Variants in ANP32B observed in about 807,000 individuals in gnomAD.
ANP32B encodes the protein acidic nuclear phosphoprotein 32 family member B, also known as acidic leucine-rich nuclear phosphoprotein 32 family member B.
A neutral mutation model predicts 32.2 loss-of-function variants in ANP32B; 6 were observed. That is an observed-to-expected ratio of 0.19 (90% CI 0.10 to 0.37). ANP32B has a LOEUF of 0.37. Among genes scored for constraint, ANP32B ranks in the 10% least tolerant of loss-of-function variants. The pLI is 1.00. For missense variants in ANP32B, 204 were observed against 289.2 expected, an observed-to-expected ratio of 0.71 and a Z score of 2.14; for synonymous variants, 98 against 105.8, an observed-to-expected ratio of 0.93 and a Z score of 0.45.
chr9:97,990,047 C>T (rs1291428163), intron 1 of ANP32B, among the ~76,000 whole-genome samples: 1 of 152,174 alleles, frequency 6.6e-6, no homozygotes, highest in Admixed American at 6.5e-5. Context: ...AAAAGAAAGA[C>T]CACTCATACC....
chr9:97,985,347 A>T (rs1476150307), intron 1 of ANP32B, among the ~76,000 whole-genome samples: 1 of 152,054 alleles, frequency 6.6e-6, no homozygotes, highest in East Asian at 1.9e-4. Context: ...GCTCCACCGC[A>T]CGGCGCTGTC....
At chr9:98,004,654 C>T (rs1828047933) in intron 3 of ANP32B, among the ~76,000 whole-genome samples, 1 of 152,112 alleles carries the variant, frequency 6.6e-6, no homozygotes, top group South Asian at 2.1e-4. Flanking sequence ...ATTTATTAAA[C>T]TGTTTGATTG....
At chr9:97,999,404 G>A (rs1281685680) in intron 3 of ANP32B, among the ~76,000 whole-genome samples, 2 of 152,156 alleles carry the variant, frequency 1.3e-5, no homozygotes, top group African/African-American at 4.8e-5. Flanking sequence ...AATTGTAGAT[G>A]GAACAAAGAC....
chr9:97,991,647 A>G (rs1404020568), intron 1 of ANP32B, among the ~76,000 whole-genome samples: 3 of 152,258 alleles, frequency 2.0e-5, no homozygotes, highest in African/African-American at 7.2e-5. Flanking sequence ...TGAACTACTC[A>G]TTTAAAAGAG....
chr9:98,014,678 G>A (rs1014384343), intron 6 of ANP32B, among the ~76,000 whole-genome samples: 2 of 152,150 alleles, frequency 1.3e-5, no homozygotes, highest in African/African-American at 4.8e-5. Flanking sequence ...GATGAAAAAG[G>A]CTTAAAGAGG....
intron 4 of ANP32B, among the ~76,000 whole-genome samples, chr9:98,009,391 G>T (rs938134566): frequency 1.3e-5 from 2 of 152,196 alleles, no homozygotes; most frequent in African/African-American, 2.4e-5. Context: ...GCTTAGAGCA[G>T]CAGTCTCCAA....
At chr9:97,983,764 G>A (rs917267548) in intron 1 of ANP32B, among the ~76,000 whole-genome samples, 155 bp downstream of exon 1, 5 of 151,764 alleles carry the variant, frequency 3.3e-5, no homozygotes, top group African/African-American at 9.7e-5. Flanking sequence ...GCGGAGGGGG[G>A]AGCGAGCGCG....
In ANP32B at chr9:97,983,457, A is replaced by C; in HGVS notation, c.-99A>C. ...CGCGCCGCCGGCCTCCGCCGCTAGC[A>C]AACCCTTCCGACGGCCCTCGCTGCG... On this transcript the variant is annotated 5_prime_UTR_variant, in exon 1 of 7. Transcript: ENST00000339399. The C allele has an allele frequency of 8.6e-7, 1 of 1,165,564 alleles. No individual in the cohort carries two copies. The highest frequency in any genetic ancestry group is 1.4e-5 in the South Asian group (1 of 73,264). The allele number at this position is 1,165,564 out of a possible 1,614,324, so 72.2% of individuals were successfully genotyped here.
At chr9:97,985,831 C>CTT (rs201092821) in intron 1 of ANP32B, among the ~76,000 whole-genome samples, 5 of 149,240 alleles carry the variant, frequency 3.4e-5, no homozygotes, top group Non-Finnish European at 7.5e-5. Flanking sequence ...TTCTGTTTTT[C>CTT]TTTTTTTTTT....
At chr9:98,012,579 C>G in intron 6 of ANP32B, 107 bp downstream of exon 6, 1 of 1,495,018 alleles carries the variant, frequency 6.7e-7, no homozygotes, top group Non-Finnish European at 9.0e-7. Context: ...ACTCTTGGCT[C>G]TGGTGGTTTA....
intron 2 of ANP32B, 98 bp downstream of exon 2, chr9:97,994,878 A>T: frequency 8.0e-7 from 1 of 1,249,586 alleles, no homozygotes; most frequent in South Asian, 1.6e-5. Context: ...CAGAAAGCAC[A>T]TGGCCTTTGG....
chr9:97,996,008 C>G (rs919770701), intron 2 of ANP32B, among the ~76,000 whole-genome samples: 2 of 150,240 alleles, frequency 1.3e-5, no homozygotes, highest in Admixed American at 1.3e-4. Flanking sequence ...CTTTATTTGC[C>G]TTGTTTAGGT....
chr9:97,992,354 T>G (rs1827841954), intron 1 of ANP32B, among the ~76,000 whole-genome samples: 1 of 151,952 alleles, frequency 6.6e-6, no homozygotes, highest in Non-Finnish European at 1.5e-5. Flanking sequence ...CTCCCAGGAG[T>G]GTTGGGATTA....
At chr9:97,985,445 C>G (rs1587869443) in intron 1 of ANP32B, among the ~76,000 whole-genome samples, 1 of 152,174 alleles carries the variant, frequency 6.6e-6, no homozygotes, top group Admixed American at 6.5e-5. Context: ...TTCCGTCAGA[C>G]ATTTTGTGCC....
chr9:98,002,242 A>G (rs543673996), intron 3 of ANP32B: 13 of 152,278 alleles, frequency 8.5e-5, no homozygotes, highest in South Asian at 2.1e-4. Context: ...CTTATAGTCA[A>G]TGCAATGATT....
chr9:97,989,702 C>T (rs538510271), intron 1 of ANP32B, among the ~76,000 whole-genome samples: 6 of 152,302 alleles, frequency 3.9e-5, no homozygotes, highest in South Asian at 2.1e-4. Flanking sequence ...GCTCCACTCA[C>T]TGTCTCAACT....
chr9:97,983,504 C>A lies in ANP32B; in HGVS notation c.-52C>A, dbSNP rs560762108. 8.0e-6 allele frequency: 12 copies of A among 1,494,102 alleles called. No homozygotes were observed. The highest frequency in any genetic ancestry group is 6.1e-5 in the Admixed American group (3 of 49,408). 92.6% of individuals were successfully genotyped at this position (1,494,102 alleles called of 1,614,324 possible). On this transcript the variant is annotated 5_prime_UTR_variant, in exon 1 of 7. Transcript: ENST00000339399. The stretch of plus-strand genomic sequence containing the variant: ...TGCGCAAGCCGGGACGCCTCTCCCC[C>A]CTCCGCCCCCGCCGCGGAAAGTTAA...
Position 97,983,622 on chromosome 9 carries a change from C to G in ANP32B, c.54+13C>G, listed in dbSNP as rs1458097246. 6.4e-7 allele frequency: 1 copy of G among 1,555,300 alleles called. No individual in the cohort carries two copies. Among genetic ancestry groups the G allele is most frequent in the Admixed American group, 1.9e-5 (1 of 52,574 alleles). ...GACCCCGGCAGCTGTAAGCAGAGAC[C>G]CCTCTGGGTGCCCTCTCCCCCGATG... On this transcript the variant is annotated intron_variant, in intron 1 of 6. Coordinates refer to ENST00000339399, the MANE Select transcript of ANP32B (RefSeq NM_006401.3).
rs1828180507 is a variant in ANP32B at position 98,011,294 on chromosome 9, G to C, written c.541G>C (p.Asp181His). The C allele has an allele frequency of 6.5e-7, 1 of 1,550,172 alleles. No homozygotes were observed. Among genetic ancestry groups the C allele is most frequent in the Admixed American group, 2.0e-5 (1 of 51,004 alleles). Residue 181 changes from aspartate to histidine, a missense_variant, in exon 5 of 7, where the codon GAC (aspartate) becomes CAC (histidine). By Grantham distance (81) the Asp-to-His change is moderately conservative (BLOSUM62 -1). Transcript: ENST00000339399. The part of the protein sequence containing the change: ...DEEGEDEEDE[D>H]DEDGEEEEFD... ...AGAAGGAGAAGATGAGGAAGACGAGGACGATGAGGATGGTGAAGAAGAGGA... is the reference window on the plus strand; with the variant it reads ...AGAAGGAGAAGATGAGGAAGACGAGCACGATGAGGATGGTGAAGAAGAGGA...
Sources: gnomAD v4.1 joint callset for allele counts (sites outside exome capture counted in the v4.1 genomes callset) on GRCh38, gnomAD v4.1.1 for gene constraint, MANE v1.5 for transcripts, NCBI Gene and HGNC (gene_info 2026-07-23, HGNC 2026-07-21) for gene names.